The following MYO5C variants were observed in gnomAD, a reference collection of about 807,000 sequenced individuals.
MYO5C encodes the protein unconventional myosin-Vc.
Under a neutral mutation model 235.7 loss-of-function variants are expected in MYO5C, and 194 were observed. The ratio of observed to expected loss-of-function variants is 0.82; its 90% confidence interval spans 0.73 to 0.93. The LOEUF is 0.93. Ranked by LOEUF, MYO5C falls within the 40% of genes least tolerant of loss-of-function variation. The pLI is 0.00. For synonymous variants in MYO5C, 707 were observed against 754.8 expected (o/e 0.94, Z 1.04); for missense variants, 2,038 against 2,127.2 (o/e 0.96, Z 0.82).
intron 38 of MYO5C, among the ~76,000 whole-genome samples, chr15:52,199,821 T>A (rs1383721647): frequency 6.6e-6 from 1 of 152,188 alleles, no homozygotes; most frequent in Non-Finnish European, 1.5e-5. Flanking sequence ...GTTCTCTCTT[T>A]GCCCTCACCA....
chr15:52,195,570 T>C, intron 39 of MYO5C, 113 bp from the exon 40 acceptor site: 2 of 629,106 alleles, frequency 3.2e-6, no homozygotes. Context: ...TCTTTTAGCC[T>C]ATAATTTGGT....
intron 24 of MYO5C, among the ~76,000 whole-genome samples, chr15:52,231,600 AG>A (rs2035951732): frequency 6.6e-6 from 1 of 152,188 alleles, no homozygotes; most frequent in African/African-American, 2.4e-5. Context: ...TAACTCCTGG[AG>A]CGATTCTGTG....
chr15:52,283,777 G>A (rs1390598549), intron 1 of MYO5C, among the ~76,000 whole-genome samples: 2 of 152,068 alleles, frequency 1.3e-5, no homozygotes. Context: ...CCGGGTTCAA[G>A]TGATTCTCCT....
chr15:52,213,122 T>C, intron 34 of MYO5C, 66 bp downstream of exon 34: 1 of 1,228,074 alleles, frequency 8.1e-7, no homozygotes, highest in Non-Finnish European at 1.2e-6. Flanking sequence ...GCCCAGGACT[T>C]TGGCACTGAC....
In MYO5C at chr15:52,257,491, T is replaced by A. The variant is rs117347184; in HGVS notation, c.1314-771A>T. ...TGATTCTTAAGAAAAGTCAGAAAAC[T>A]GGGACTTTTAAGTGAATAATCCCAC... On this transcript the variant is annotated intron_variant, in intron 10 of 40. Transcript: ENST00000261839. 5.1e-3 allele frequency among the ~76,000 whole-genome samples: 771 copies of A among 152,290 alleles called. 3 individuals are homozygous for A. Among genetic ancestry groups the A allele is most frequent in the South Asian group, 9.5e-3 (46 of 4,828 alleles).
At chr15:52,250,055 C>T (rs948503010) in intron 13 of MYO5C, among the ~76,000 whole-genome samples, 2 of 152,050 alleles carry the variant, frequency 1.3e-5, no homozygotes, top group Non-Finnish European at 2.9e-5. Context: ...TGAAAGAAAT[C>T]CCATATGTGC....
intron 25 of MYO5C, among the ~76,000 whole-genome samples, chr15:52,226,706 A>C (rs2035830252): frequency 6.6e-6 from 1 of 152,198 alleles, no homozygotes; most frequent in Admixed American, 6.5e-5. Flanking sequence ...TGCCAGGTTT[A>C]TGGGGGACTC....
chr15:52,249,166 A>G (rs2036417945), intron 13 of MYO5C, among the ~76,000 whole-genome samples: 1 of 152,256 alleles, frequency 6.6e-6, no homozygotes, highest in South Asian at 2.1e-4. Flanking sequence ...TCAAACAGAC[A>G]TCGTTTCCTA....
intron 4 of MYO5C, chr15:52,276,967 G>A: frequency 2.6e-6 from 1 of 381,688 alleles, no homozygotes; most frequent in South Asian, 2.0e-5. Flanking sequence ...TTTTACAGAA[G>A]AGTAAAATGG....
chr15:52,236,230 G>A (rs989363812), intron 22 of MYO5C, among the ~76,000 whole-genome samples: 1 of 152,234 alleles, frequency 6.6e-6, no homozygotes, highest in African/African-American at 2.4e-5. Context: ...TGCTGGGCTG[G>A]CAGCAGGCCC....
rs1356081603 is a variant in MYO5C at position 52,203,426 on chromosome 15, C to T, written c.4820+1439G>A. ...GCAATGGTGTGATCTTGGCTCACTG[C>T]AACCTCTGCCTCGGGTTCAAGCGAT... On this transcript the variant is annotated intron_variant, in intron 38 of 40. Coordinates refer to ENST00000261839, the MANE Select transcript of MYO5C (RefSeq NM_018728.4). Among the ~76,000 whole-genome samples, 6 of 152,332 alleles carry T rather than the reference C, an allele frequency of 3.9e-5. No individual in the cohort carries two copies. In the East Asian group the frequency reaches 9.6e-4, roughly 24 times the overall value.
intron 8 of MYO5C, among the ~76,000 whole-genome samples, chr15:52,269,235 G>A (rs896538854): frequency 3.3e-5 from 5 of 152,154 alleles, no homozygotes; most frequent in African/African-American, 9.7e-5. Context: ...CAGGAAGGCT[G>A]AGGAAAAAAA....
chr15:52,217,229 A>C (rs1462585041), intron 32 of MYO5C, among the ~76,000 whole-genome samples: 3 of 152,190 alleles, frequency 2.0e-5, no homozygotes, highest in Admixed American at 6.5e-5. Context: ...GTTCAGAAAG[A>C]GCTATTGAAA....
intron 1 of MYO5C, among the ~76,000 whole-genome samples, chr15:52,291,508 C>T: frequency 6.6e-6 from 1 of 152,024 alleles, no homozygotes; most frequent in Non-Finnish European, 1.5e-5. Context: ...CTGCAGTCCT[C>T]TGCTGGTTTC....
intron 1 of MYO5C, among the ~76,000 whole-genome samples, chr15:52,289,134 C>T (rs750284583): frequency 6.6e-6 from 1 of 152,102 alleles, no homozygotes; most frequent in African/African-American, 2.4e-5. Flanking sequence ...CTCTCTTCCT[C>T]CTCCTCTTCA....
Position 52,196,409 on chromosome 15 carries a change from T to C in MYO5C, c.4895A>G (p.Glu1632Gly), listed in dbSNP as rs1019529315. ...LQNSLAKETLEPLSQAAWLLQ... is the reference protein window; with the variant it reads ...LQNSLAKETLGPLSQAAWLLQ... ...CAACCAGGCTGCCTGAGAGAGGGGCTCCAAAGTTTCCTTTGCTAAGCTGTT... is the reference window on the plus strand; with the variant it reads ...CAACCAGGCTGCCTGAGAGAGGGGCCCCAAAGTTTCCTTTGCTAAGCTGTT... Residue 1632 changes from glutamate to glycine, a missense_variant, in exon 39 of 41, where the codon GAG (glutamate) becomes GGG (glycine). By Grantham distance (98) the Glu-to-Gly change is moderately conservative. Transcript: ENST00000261839. The C allele has an allele frequency of 6.2e-7, 1 of 1,614,186 alleles. No homozygotes were observed. The highest frequency in any genetic ancestry group is 1.3e-5 in the African/African-American group (1 of 75,042).
intron 24 of MYO5C, 101 bp downstream of exon 24, chr15:52,232,521 T>G: frequency 8.9e-7 from 1 of 1,125,454 alleles, no homozygotes; most frequent in Non-Finnish European, 1.3e-6. Flanking sequence ...CACACCCCAC[T>G]TTCTTGTATC....
chr15:52,285,607 C>A (rs537980933), intron 1 of MYO5C, among the ~76,000 whole-genome samples: 1 of 152,212 alleles, frequency 6.6e-6, no homozygotes, highest in Non-Finnish European at 1.5e-5. Flanking sequence ...CCTCAGCCTG[C>A]CGAGTGGCGC....
At chr15:52,273,274 G>A (rs2036964858) in intron 5 of MYO5C, among the ~76,000 whole-genome samples, 1 of 152,202 alleles carries the variant, frequency 6.6e-6, no homozygotes, top group Non-Finnish European at 1.5e-5. Context: ...AGTGAGCTAT[G>A]ATTGCACCAC....
Sources: gnomAD v4.1 joint callset for allele counts (sites outside exome capture counted in the v4.1 genomes callset) on GRCh38, gnomAD v4.1.1 for gene constraint, MANE v1.5 for transcripts, NCBI Gene and HGNC (gene_info 2026-07-23, HGNC 2026-07-21) for gene names.